The following SRC variants were observed in gnomAD, a reference collection of about 807,000 sequenced individuals.
SRC encodes proto-oncogene tyrosine-protein kinase Src.
In SRC, 13 loss-of-function variants were observed where a neutral mutation model predicts 62.9. The observed-to-expected ratio is 0.21, with a 90% confidence interval of 0.13 to 0.33. The LOEUF (loss-of-function observed/expected upper bound fraction) is 0.33, where lower values mean the gene tolerates loss of function less well. SRC is among the 10% of genes least tolerant of loss of function. SRC has a pLI of 1.00. For missense variants in SRC, 457 were observed against 737.3 expected (o/e 0.62, Z 4.40); for synonymous variants, 302 against 317.5 (o/e 0.95, Z 0.52).
At chr20:37,367,351 A>G (rs1238955484) in intron 2 of SRC, among the ~76,000 whole-genome samples, 1 of 151,478 alleles carries the variant, frequency 6.6e-6, no homozygotes, top group East Asian at 1.9e-4. Context: ...AAGTGCTGGG[A>G]TTACAGGCAT....
chr20:37,351,944 G>T lies in SRC; in HGVS notation c.-247+5689G>T, dbSNP rs548240334. Among the ~76,000 whole-genome samples the T allele has an allele frequency of 6.6e-6, 1 of 152,224 alleles. No homozygotes were observed. The highest frequency in any genetic ancestry group is 1.5e-5 in the Non-Finnish European group (1 of 68,038). ...GTATAGGAGGGGTGCGGTGCTGGGG[G>T]CAGGTGACCCTGACTCTCTGGGTTC... is the stretch of plus-strand genomic sequence containing the variant. On this transcript the variant is annotated intron_variant, in intron 1 of 13. Transcript: ENST00000373578. The surrounding 1 kb of genome is among the most constrained non-coding windows in gnomAD (Gnocchi z 4.4).
chr20:37,358,103 A>G (rs981483343), intron 1 of SRC, among the ~76,000 whole-genome samples: 14 of 152,174 alleles, frequency 9.2e-5, no homozygotes, highest in Non-Finnish European at 1.5e-4. Flanking sequence ...CCTGCTCTGT[A>G]TTAGCCAGCC....
At chr20:37,394,029 C>T (rs934885988) in intron 6 of SRC, 36 bp downstream of exon 6, 1 of 1,600,584 alleles carries the variant, frequency 6.2e-7, no homozygotes, top group African/African-American at 1.3e-5. Context: ...ACCCGTCGTC[C>T]CTGGACACTG....
At chr20:37,386,494 T>A in intron 5 of SRC, 1 of 494,294 alleles carries the variant, frequency 2.0e-6, no homozygotes, top group Non-Finnish European at 4.0e-6. Context: ...ACATGCTCCG[T>A]GGGCGGCGGG....
chr20:37,390,056 C>T (rs185479697), intron 5 of SRC, among the ~76,000 whole-genome samples: 16 of 152,324 alleles, frequency 1.1e-4, no homozygotes, highest in African/African-American at 3.4e-4. Flanking sequence ...ATCTCCATTT[C>T]ACAGGTGGGC....
rs567836167 is a variant in SRC at position 37,371,145 on chromosome 20, C to T, written c.-173+5868C>T. Among the ~76,000 whole-genome samples, 6 of 152,122 alleles carry T rather than the reference C, an allele frequency of 3.9e-5. No homozygotes were observed. The South Asian group carries it at 8.3e-4, about 21-fold the overall frequency. Reference sequence around the variant, plus strand: ...CTGGGATTACAGGCATGTGCCACCACGCCCGGCTAATTTTTTATTTTTAGT... The same window carrying T: ...CTGGGATTACAGGCATGTGCCACCATGCCCGGCTAATTTTTTATTTTTAGT... On this transcript the variant is annotated intron_variant, in intron 2 of 13. Coordinates refer to ENST00000373578, the MANE Select transcript of SRC (RefSeq NM_198291.3).
rs41282798 is a variant in SRC, at chr20:37,404,225, T to C, written c.*846T>C. ...AAGGGGTCTGAGGATGCATTCGAGA[T>C]GGCAGATTCCCACTGCCGCTGCCCG... On this transcript the variant is annotated 3_prime_UTR_variant, in exon 14 of 14. Transcript: ENST00000373578. 9.3e-3 allele frequency: 2,154 copies of C among 232,248 alleles called. 11 individuals carry two copies. Among genetic ancestry groups the C allele is most frequent in the Middle Eastern group, 0.019 (15 of 784 alleles). 14.4% of individuals were successfully genotyped at this position (232,248 alleles called of 1,614,324 possible).
chr20:37,402,188 C>T lies in SRC; in HGVS notation c.1117-247C>T, dbSNP rs373188229. Reference sequence around the variant, plus strand: ...GGTCACCTCGCTTTCCTGGCTGCATCGGATCTCGTGCCTCCCCTTTGACCT... The same window carrying T: ...GGTCACCTCGCTTTCCTGGCTGCATTGGATCTCGTGCCTCCCCTTTGACCT... On this transcript the variant is annotated intron_variant, in intron 11 of 13. Coordinates refer to ENST00000373578, the MANE Select transcript of SRC (RefSeq NM_198291.3). This position sits in a 1 kb window ranked among gnomAD's most constrained non-coding sequence, Gnocchi z 6.2. 2.0e-5 allele frequency: 9 copies of T among 454,070 alleles called. No homozygotes were observed. The highest frequency in any genetic ancestry group is 1.0e-4 in the African/African-American group (5 of 50,180). 28.1% of individuals were successfully genotyped at this position (454,070 alleles called of 1,614,324 possible). A position where few individuals can be genotyped will look rare whatever the true frequency, so the allele number is the denominator to read the frequency against.
intron 1 of SRC, among the ~76,000 whole-genome samples, chr20:37,350,695 A>G (rs577161571): frequency 6.6e-6 from 1 of 152,054 alleles, no homozygotes; most frequent in East Asian, 1.9e-4. Flanking sequence ...AAAATTTTAT[A>G]TTTTTCTTTC....
intron 2 of SRC, among the ~76,000 whole-genome samples, chr20:37,368,709 C>CG (rs1275743961): frequency 6.6e-6 from 1 of 150,532 alleles, no homozygotes; most frequent in African/African-American, 2.4e-5. Context: ...CCCGCCACTA[C>CG]GCCCGGCTAT....
intron 2 of SRC, among the ~76,000 whole-genome samples, chr20:37,373,131 T>TAGACAC: frequency 6.9e-6 from 1 of 145,720 alleles, no homozygotes; most frequent in East Asian, 2.0e-4. Context: ...TATGTACATA[T>TAGACAC]ATACACATAT....
chr20:37,359,754 TCCTGGGTGCA>T (rs945157058), intron 1 of SRC, among the ~76,000 whole-genome samples: 138 of 152,064 alleles, frequency 9.1e-4, no homozygotes, highest in Middle Eastern at 3.4e-3. Context: ...CACACGAGGG[TCCTGGGTGCA>T]CCTGGCTGCT....
chr20:37,385,221 G>T (rs1315394375), intron 4 of SRC, among the ~76,000 whole-genome samples: 9 of 152,060 alleles, frequency 5.9e-5, no homozygotes, highest in African/African-American at 2.2e-4. Context: ...CCGCCCAGGA[G>T]ACAGATACAC....
chr20:37,401,008 A>T (rs2070728665), intron 10 of SRC, among the ~76,000 whole-genome samples: 1 of 151,702 alleles, frequency 6.6e-6, no homozygotes, highest in African/African-American at 2.4e-5. Context: ...TCAATTTTTT[A>T]TTTTTTGAGA....
intron 2 of SRC, among the ~76,000 whole-genome samples, chr20:37,368,518 C>CTTTTTTTTTTTGTTTTTTTTTTT (rs2070102019): frequency 2.7e-5 from 2 of 73,898 alleles, no homozygotes; most frequent in Admixed American, 2.1e-4. Context: ...CCTATATTTT[C>CTTTTTTTTTTTGTTTTTTTTTTT]TTTTTTTTTT....
chr20:37,367,642 AT>A lies in SRC; in HGVS notation c.-173+2378del, dbSNP rs75374695. On this transcript the variant is annotated intron_variant, in intron 2 of 13. Coordinates refer to ENST00000373578, the MANE Select transcript of SRC (RefSeq NM_198291.3). ...AGTGCATGCCACCATGCCTGACTTA[AT>A]TTTTTTTTTTTTAATTTTGTAGAGA... Among the ~76,000 whole-genome samples the A allele has an allele frequency of 4.8e-3, 702 of 145,080 alleles. 4 individuals carry two copies. Among genetic ancestry groups the A allele is most frequent in the African/African-American group, 0.013 (517 of 39,592 alleles).
intron 1 of SRC, among the ~76,000 whole-genome samples, chr20:37,361,128 T>G: frequency 6.7e-6 from 1 of 148,518 alleles, no homozygotes; most frequent in African/African-American, 2.5e-5. Context: ...AGGTGGGTGG[T>G]GGAGCTTAGG....
In SRC at chr20:37,351,177, C is replaced by T. The variant is rs1460066104; in HGVS notation, c.-247+4922C>T. 2.0e-5 allele frequency among the ~76,000 whole-genome samples: 3 copies of T among 152,200 alleles called. No homozygotes were observed. The highest frequency in any genetic ancestry group is 4.4e-5 in the Non-Finnish European group (3 of 68,044). On this transcript the variant is annotated intron_variant, in intron 1 of 13. Transcript: ENST00000373578. This position sits in a 1 kb window ranked among gnomAD's most constrained non-coding sequence, Gnocchi z 4.4. ...GGTCCTTGGGCAAGTGACTTTCCCCCAACTTTGGTCCATTTGGTCCTTCTT... is the reference window on the plus strand; with the variant it reads ...GGTCCTTGGGCAAGTGACTTTCCCCTAACTTTGGTCCATTTGGTCCTTCTT...
In SRC at chr20:37,386,078, G is replaced by C; in HGVS notation, c.254G>C (p.Gly85Ala). Residue 85 changes from glycine to alanine, a missense_variant, in exon 5 of 14, where the codon GGA becomes GCA. Gly to Ala is a moderately conservative substitution (Grantham distance 60). This residue lies in a region of SRC where 132 missense variants were observed against 135.4 expected (regional missense o/e 0.98). Transcript: ENST00000373578. Reference protein sequence around the residue: ...SPQRAGPLAGGVTTFVALYDY... With the variant: ...SPQRAGPLAGAVTTFVALYDY... ...CACACCCCACCCCTCTCTGCAGGTG[G>C]AGTGACCACCTTTGTGGCCCTCTAT... 6.2e-7 allele frequency: 1 copy of C among 1,614,038 alleles called. No homozygotes were observed. Among genetic ancestry groups the C allele is most frequent in the Middle Eastern group, 1.6e-4 (1 of 6,062 alleles).
Sources: gnomAD v4.1 joint callset for allele counts (sites outside exome capture counted in the v4.1 genomes callset) on GRCh38, gnomAD v4.1.1 for gene constraint, gnomAD v4.1.1 regional missense constraint, Gnocchi (gnomAD v3.1) non-coding constraint, MANE v1.5 for transcripts, NCBI Gene and HGNC (gene_info 2026-07-23, HGNC 2026-07-21) for gene names.